Variants in TAB2 observed in about 807,000 individuals in gnomAD.
The protein encoded by TAB2 is TGF-beta-activated kinase 1 and MAP3K7-binding protein 2.
In TAB2, 3 loss-of-function variants were observed where a neutral mutation model predicts 65.0. The observed-to-expected ratio is 0.05, with a 90% CI of 0.02 to 0.12. TAB2 has a LOEUF of 0.12. Among genes scored for constraint, TAB2 ranks in the 10% least tolerant of loss-of-function variants. The probability of loss-of-function intolerance (pLI) is 1.00; values close to 1 mark genes in which losing one functional copy is unlikely to be tolerated. For synonymous variants in TAB2, 298 were observed against 285.1 expected, an observed-to-expected ratio of 1.05 and a Z score of -0.46; for missense variants, 623 against 840.3, an observed-to-expected ratio of 0.74 and a Z score of 3.20.
intron 1 of TAB2, chr6:149,245,982 C>T (rs1282600806): frequency 1.3e-5 from 2 of 152,150 alleles, no homozygotes; most frequent in South Asian, 2.1e-4. Flanking sequence ...TGCAGTGGCA[C>T]GATCTCTGCT....
At chr6:149,293,284 G>A (rs1218570885) in intron 1 of TAB2, among the ~76,000 whole-genome samples, 4 of 152,120 alleles carry the variant, frequency 2.6e-5, no homozygotes, top group Non-Finnish European at 5.9e-5. Context: ...CTGTAATATA[G>A]TATAAATTTG....
At chr6:149,229,730 C>G (rs1489790861) in intron 1 of TAB2, among the ~76,000 whole-genome samples, 1 of 152,120 alleles carries the variant, frequency 6.6e-6, no homozygotes. Context: ...GTCAGTGAGA[C>G]TGAACCCTTG....
intron 3 of TAB2, among the ~76,000 whole-genome samples, chr6:149,385,759 C>T (rs1051875248): frequency 6.6e-6 from 1 of 152,150 alleles, no homozygotes; most frequent in African/African-American, 2.4e-5. Context: ...GAGACACAAA[C>T]TGCCTCCTAA....
rs1562396932 is a variant in TAB2, at chr6:149,275,240, GAAAGAA to G, written c.-121+56466_-121+56471del. ...GGGGGAGGGGGGAGAGAGAGAGAAA[GAAAGAA>G]AGAAAGAAAGAAAGAAAGAAAGAAA... On this transcript the variant is annotated intron_variant, in intron 1 of 1. Transcript: ENST00000606202. Among the ~76,000 whole-genome samples the G allele has an allele frequency of 3.4e-3, 279 of 81,858 alleles. 3 individuals carry two copies. Among genetic ancestry groups the G allele is most frequent in the Admixed American group, 0.012 (96 of 8,072 alleles). 53.7% of individuals were successfully genotyped at this position (81,858 alleles called of 152,430 possible).
At chr6:149,392,242 A>G (rs566629416) in intron 3 of TAB2, among the ~76,000 whole-genome samples, 1 of 152,006 alleles carries the variant, frequency 6.6e-6, no homozygotes, top group South Asian at 2.1e-4. Flanking sequence ...CCAGGTTCAA[A>G]CAGTTCTCCT....
At chr6:149,369,110 A>G (rs935238916) in intron 1 of TAB2, among the ~76,000 whole-genome samples, 2 of 152,156 alleles carry the variant, frequency 1.3e-5, no homozygotes, top group African/African-American at 4.8e-5. Flanking sequence ...TTCAAATAGC[A>G]TGATTTTAAA....
At chr6:149,399,658 C>T (rs1187081267) in intron 6 of TAB2, among the ~76,000 whole-genome samples, 2 of 151,998 alleles carry the variant, frequency 1.3e-5, no homozygotes, top group Admixed American at 6.6e-5. Flanking sequence ...AATATATGCA[C>T]ACCAAACTAA....
intron 1 of TAB2, among the ~76,000 whole-genome samples, chr6:149,339,679 A>G (rs1247178350): frequency 1.3e-5 from 2 of 148,578 alleles, no homozygotes; most frequent in Non-Finnish European, 3.0e-5. Context: ...GCCCACTGCA[A>G]CCTCCACCTC....
At chr6:149,404,040 ATC>A (rs1258900608) in intron 6 of TAB2, among the ~76,000 whole-genome samples, 3 of 152,190 alleles carry the variant, frequency 2.0e-5, no homozygotes, top group African/African-American at 4.8e-5. Context: ...AAGTAAAATT[ATC>A]TGTTTGCAGG....
chr6:149,400,205 T>C (rs986540221), intron 6 of TAB2: 2 of 615,368 alleles, frequency 3.3e-6, no homozygotes, highest in South Asian at 2.2e-5. Context: ...CAGCAGCCAA[T>C]GGGAGGCCCC....
At chr6:149,276,583 T>G (rs1216485194) in intron 1 of TAB2, among the ~76,000 whole-genome samples, 1 of 152,210 alleles carries the variant, frequency 6.6e-6, no homozygotes, top group Non-Finnish European at 1.5e-5. Flanking sequence ...TTTAAACACT[T>G]GAAAAGCTGT....
chr6:149,312,129 C>T (rs1476009896), intron 1 of TAB2, among the ~76,000 whole-genome samples: 2 of 152,174 alleles, frequency 1.3e-5, no homozygotes, highest in African/African-American at 4.8e-5. Flanking sequence ...CTCATGGACC[C>T]CACTGTTAGT....
At chr6:149,352,358 CTGTT>C (rs1273224266) in intron 1 of TAB2, among the ~76,000 whole-genome samples, 1 of 152,134 alleles carries the variant, frequency 6.6e-6, no homozygotes, top group East Asian at 1.9e-4. Context: ...GCTGCAGAAT[CTGTT>C]TGTGTATACT....
chr6:149,357,575 G>A (rs1182648782), intron 1 of TAB2, among the ~76,000 whole-genome samples: 1 of 151,940 alleles, frequency 6.6e-6, no homozygotes, highest in African/African-American at 2.4e-5. Context: ...CCCTTGAACG[G>A]TGTTAATGAA....
At chr6:149,276,552 T>C (rs1335288975) in intron 1 of TAB2, among the ~76,000 whole-genome samples, 1 of 152,242 alleles carries the variant, frequency 6.6e-6, no homozygotes, top group African/African-American at 2.4e-5. Flanking sequence ...TTATATATTT[T>C]TAAAAATCCT....
At chr6:149,402,574 A>T (rs1185872081) in intron 6 of TAB2, among the ~76,000 whole-genome samples, 1 of 152,162 alleles carries the variant, frequency 6.6e-6, no homozygotes, top group East Asian at 1.9e-4. Flanking sequence ...ATTAATACCA[A>T]CCCATCTTAA....
intron 1 of TAB2, among the ~76,000 whole-genome samples, chr6:149,252,396 G>A (rs1215854206): frequency 2.4e-5 from 3 of 123,610 alleles, no homozygotes; most frequent in Non-Finnish European, 4.9e-5. Flanking sequence ...GCAAAACTCT[G>A]CCTCAAAAAA....
At chr6:149,339,643 G>C (rs1031330586) in intron 1 of TAB2, among the ~76,000 whole-genome samples, 2 of 146,238 alleles carry the variant, frequency 1.4e-5, no homozygotes, top group African/African-American at 5.1e-5. Context: ...CTGTTGCCCA[G>C]GCCAGAGTGC....
At chr6:149,239,775 G>A (rs1217648920) in intron 1 of TAB2, among the ~76,000 whole-genome samples, 1 of 152,164 alleles carries the variant, frequency 6.6e-6, no homozygotes, top group African/African-American at 2.4e-5. Context: ...GCACCTATAT[G>A]TGCCAGACAC....
Sources: gnomAD v4.1 joint callset for allele counts (sites outside exome capture counted in the v4.1 genomes callset) on GRCh38, gnomAD v4.1.1 for gene constraint, MANE v1.5 for transcripts, NCBI Gene and HGNC (gene_info 2026-07-23, HGNC 2026-07-21) for gene names.